HERC1: variants seen among roughly 807,000 people sequenced by gnomAD.
The protein encoded by HERC1 is HECT and RLD domain containing E3 ubiquitin protein ligase family member 1, also known as probable E3 ubiquitin-protein ligase HERC1.
A neutral mutation model predicts 554.3 loss-of-function variants in HERC1; 160 were observed. That is an observed-to-expected ratio of 0.29 (90% CI 0.25 to 0.33). The LOEUF (loss-of-function observed/expected upper bound fraction) is 0.33. HERC1 is among the 10% of genes least tolerant of loss of function. The pLI is 1.00. For missense variants in HERC1, 4,919 were observed against 5,918.5 expected, an observed-to-expected ratio of 0.83 and a Z score of 5.54; for synonymous variants, 2,175 against 2,131.7, an observed-to-expected ratio of 1.02 and a Z score of -0.56.
At chr15:63,788,689 G>A (rs2076530895) in intron 1 of HERC1, among the ~76,000 whole-genome samples, 1 of 152,098 alleles carries the variant, frequency 6.6e-6, no homozygotes, top group African/African-American at 2.4e-5. Context: ...GGCTGAGGCA[G>A]GTGGATCACC....
At chr15:63,803,164 G>C (rs1202037342) in intron 1 of HERC1, among the ~76,000 whole-genome samples, 1 of 152,050 alleles carries the variant, frequency 6.6e-6, no homozygotes, top group Admixed American at 6.6e-5. Flanking sequence ...GTGCCCCTGG[G>C]CAACAAAGTG....
At chr15:63,764,975 T>G (rs895916707) in intron 2 of HERC1, among the ~76,000 whole-genome samples, 1 of 152,122 alleles carries the variant, frequency 6.6e-6, no homozygotes, top group Non-Finnish European at 1.5e-5. Flanking sequence ...TGGCAAAGAT[T>G]ATTGCTGTGA....
intron 12 of HERC1, among the ~76,000 whole-genome samples, chr15:63,740,003 C>T (rs1192796063): frequency 2.6e-5 from 4 of 152,034 alleles, no homozygotes; most frequent in East Asian, 1.9e-4. Context: ...CTCTGCCTCC[C>T]GGTTTCAAGC....
chr15:63,755,137 T>C (rs2075379788), intron 6 of HERC1, 92 bp downstream of exon 6: 1 of 814,428 alleles, frequency 1.2e-6, no homozygotes, highest in East Asian at 2.6e-5. Context: ...AATGACAGTC[T>C]TTGGCCTAGT....
At chr15:63,717,360 G>A (rs1175264872) in intron 21 of HERC1, among the ~76,000 whole-genome samples, 3 of 152,176 alleles carry the variant, frequency 2.0e-5, no homozygotes, top group African/African-American at 7.2e-5. Flanking sequence ...TGGAGAGAAA[G>A]AGTTTGGTTT....
chr15:63,635,018 C>T (rs994796089), intron 65 of HERC1, 130 bp from the exon 66 acceptor site: 1 of 616,746 alleles, frequency 1.6e-6, no homozygotes, highest in East Asian at 3.1e-5. Context: ...TCTTCAAAGA[C>T]CAATGCTTTT....
intron 1 of HERC1, among the ~76,000 whole-genome samples, chr15:63,790,695 T>G (rs2076622103): frequency 6.6e-6 from 1 of 152,084 alleles, no homozygotes; most frequent in Non-Finnish European, 1.5e-5. Context: ...CAACTTTGTG[T>G]GTTATGTTTC....
At chr15:63,742,218 T>G (rs901165159) in intron 12 of HERC1, among the ~76,000 whole-genome samples, 1 of 152,226 alleles carries the variant, frequency 6.6e-6, no homozygotes, top group African/African-American at 2.4e-5. Flanking sequence ...TTAAATGTAT[T>G]CCTAAGTATC....
chr15:63,778,732 G>A (rs529495690), intron 1 of HERC1, among the ~76,000 whole-genome samples: 1 of 152,114 alleles, frequency 6.6e-6, no homozygotes, highest in Non-Finnish European at 1.5e-5. Flanking sequence ...AAACGAACAT[G>A]AGAAAACTCA....
intron 1 of HERC1, among the ~76,000 whole-genome samples, chr15:63,811,591 C>T (rs1210088977): frequency 6.6e-6 from 1 of 151,868 alleles, no homozygotes; most frequent in East Asian, 1.9e-4. Context: ...GGGCAGATCA[C>T]GAGGTCGGGA....
intron 24 of HERC1, among the ~76,000 whole-genome samples, chr15:63,707,482 T>C (rs545149750): frequency 2.6e-5 from 4 of 152,330 alleles, no homozygotes; most frequent in Admixed American, 1.3e-4. Context: ...TGGGGGGATG[T>C]AGACAACTGC....
At chr15:63,766,684 G>C (rs1197400062) in intron 2 of HERC1, among the ~76,000 whole-genome samples, 1 of 152,068 alleles carries the variant, frequency 6.6e-6, no homozygotes, top group East Asian at 1.9e-4. Context: ...TTTTTGTTTT[G>C]TTTTGTTTTT....
chr15:63,637,910 G>A (rs1262324082), intron 63 of HERC1, among the ~76,000 whole-genome samples: 2 of 152,132 alleles, frequency 1.3e-5, no homozygotes, highest in African/African-American at 4.8e-5. Flanking sequence ...GGGGTGATGG[G>A]GAAACATTAA....
Position 63,678,048 on chromosome 15 carries a change from A to C in HERC1, c.6867T>G (p.Ala2289=). The change falls in exon 37 of 78, where the codon GCT becomes GCG. Residue 2289 remains alanine (A), a synonymous_variant. Coordinates refer to ENST00000443617, the MANE Select transcript of HERC1 (RefSeq NM_003922.4). ...TCCTCAGCTGCAGCTCTGAGAGGTC[A>C]GCGAGGCCATGCCTAGTATGTTTAC... The part of the protein sequence containing the change: ...EKGKHTRHGL[A]DLSELQLRTL... 6.2e-7 allele frequency: 1 copy of C among 1,614,044 alleles called. No homozygotes were observed. Among genetic ancestry groups the C allele is most frequent in the Non-Finnish European group, 8.5e-7 (1 of 1,179,894 alleles).
intron 68 of HERC1, among the ~76,000 whole-genome samples, chr15:63,631,849 T>C (rs1298101204): frequency 1.3e-5 from 2 of 152,144 alleles, no homozygotes; most frequent in Non-Finnish European, 2.9e-5. Context: ...CCCTCCCAAG[T>C]CTTATTCCTG....
In HERC1 at chr15:63,677,808, T is replaced by C. The variant is rs1311041155; in HGVS notation, c.7070+37A>G. 9 of 1,579,034 alleles carry C rather than the reference T, an allele frequency of 5.7e-6. No individual in the cohort carries two copies. Among genetic ancestry groups the C allele is most frequent in the Non-Finnish European group, 7.8e-6 (9 of 1,159,604 alleles). ...GGCAATGGCCTATTTCACCATTAAA[T>C]ATTTGTTTGCTAAAAGTGTAACTCA... is the stretch of plus-strand genomic sequence containing the variant. On this transcript the variant is annotated intron_variant, in intron 37 of 77. Transcript: ENST00000443617. This position sits in a 1 kb window ranked among gnomAD's most constrained non-coding sequence, Gnocchi z 4.4.
intron 1 of HERC1, among the ~76,000 whole-genome samples, chr15:63,787,037 T>C (rs2143802747): frequency 6.6e-6 from 1 of 152,120 alleles, no homozygotes; most frequent in South Asian, 2.1e-4. Flanking sequence ...AGATGGAGTT[T>C]CACCATGTTG....
chr15:63,654,414 T>C (rs1462601055), intron 50 of HERC1, 90 bp from the exon 51 acceptor site: 4 of 1,005,214 alleles, frequency 4.0e-6, no homozygotes, highest in Non-Finnish European at 5.9e-6. Context: ...CAGGTGAGAT[T>C]TGGTGGTGGT....
At chr15:63,813,866 G>A (rs374722551) in intron 1 of HERC1, among the ~76,000 whole-genome samples, 15 of 152,180 alleles carry the variant, frequency 9.9e-5, no homozygotes, top group Admixed American at 5.2e-4. Flanking sequence ...TCAGGAGTTT[G>A]AGACCAGCCT....
Sources: gnomAD v4.1 joint callset for allele counts (sites outside exome capture counted in the v4.1 genomes callset) on GRCh38, gnomAD v4.1.1 for gene constraint, Gnocchi (gnomAD v3.1) non-coding constraint, MANE v1.5 for transcripts, NCBI Gene and HGNC (gene_info 2026-07-23, HGNC 2026-07-21) for gene names.